The following SUN1 variants were observed in gnomAD, a reference collection of about 807,000 sequenced individuals.
The protein encoded by SUN1 is SUN domain-containing protein 1.
Under a neutral mutation model 103.2 loss-of-function variants are expected in SUN1, and 61 were observed. That is an observed-to-expected ratio of 0.59 (90% CI 0.48 to 0.73). The LOEUF (loss-of-function observed/expected upper bound fraction) is 0.73. SUN1 is among the 30% of genes least tolerant of loss of function. SUN1 has a pLI of 0.00. For missense variants in SUN1, 1,052 were observed against 1,034.6 expected (o/e 1.02, Z -0.23); for synonymous variants, 490 against 425.7 (o/e 1.15, Z -1.86).
chr7:865,973 G>A lies in SUN1; in HGVS notation c.1886G>A (p.Arg629His), dbSNP rs1198715592. 3 of 1,614,050 alleles carry A rather than the reference G, an allele frequency of 1.9e-6. No homozygotes were observed. The highest frequency in any genetic ancestry group is 2.5e-6 in the Non-Finnish European group (3 of 1,179,960). ...TAAGGTGGCAGCATCTTGAGTACTC[G>A]CTGTTCTGAAACTTACGAAACCAAA... ...ESGGGSILST[R>H]CSETYETKTA... The change falls in exon 16 of 19, where the codon CGC (arginine) becomes CAC (histidine). Residue 629 changes from arginine to histidine, a missense_variant. Coordinates refer to ENST00000401592, the MANE Select transcript of SUN1 (RefSeq NM_001130965.3).
At position 874,236 on chromosome 7, in the gene SUN1, C is replaced by G. The variant is rs1226091085; in HGVS notation, c.*905C>G. 6.6e-6 allele frequency: 1 copy of G among 152,556 alleles called. No homozygotes were observed. The highest frequency in any genetic ancestry group is 2.4e-5 in the African/African-American group (1 of 41,450). 9.5% of individuals were successfully genotyped at this position (152,556 alleles called of 1,614,324 possible). A position where few individuals can be genotyped will look rare whatever the true frequency, so the allele number is the denominator to read the frequency against. On this transcript the variant is annotated 3_prime_UTR_variant, in exon 19 of 19. Transcript: ENST00000401592. ...TCAGGGTCACGAACCCGTTACATTT[C>G]AGGACGATCCTTTTTCCTTCAGCAG...
At chr7:832,386 T>G, upstream of SUN1, 77 of 818,164 alleles carry the variant, frequency 9.4e-5, no homozygotes, top group East Asian at 1.6e-4. Flanking sequence ...GTGTTTCCTG[T>G]GAGTTTTGAG....
intron 9 of SUN1, 67 bp downstream of exon 9, chr7:853,019 G>A: frequency 6.5e-7 from 1 of 1,532,800 alleles, no homozygotes; most frequent in East Asian, 2.3e-5. Context: ...GTTCCACACT[G>A]CTGTGAGCCA....
At chr7:841,747 T>G (rs1353802695) in intron 2 of SUN1, 199 bp from the exon 3 acceptor site, 1 of 579,722 alleles carries the variant, frequency 1.7e-6, no homozygotes, top group Non-Finnish European at 3.0e-6. Flanking sequence ...TTTACAATTT[T>G]AGAGGGAGTT....
chr7:847,282 G>C (rs12539185), intron 5 of SUN1, among the ~76,000 whole-genome samples: 16 of 142,674 alleles, frequency 1.1e-4, no homozygotes, highest in Middle Eastern at 3.9e-3. Flanking sequence ...CCGCAGCGCC[G>C]TCTCCGGGAT....
intron 3 of SUN1, 92 bp from the exon 4 acceptor site, chr7:843,114 G>T: frequency 6.4e-7 from 1 of 1,560,784 alleles, no homozygotes; most frequent in African/African-American, 1.4e-5. Context: ...ATTAACCATT[G>T]TAACCTTTAC....
intron 17 of SUN1, among the ~76,000 whole-genome samples, chr7:870,838 C>T (rs1398436656): frequency 2.0e-5 from 3 of 151,680 alleles, no homozygotes; most frequent in Non-Finnish European, 2.9e-5. Flanking sequence ...GCATGTTGTA[C>T]GGCCGAGTCG....
Position 824,127 on chromosome 7 carries a change from C to T in SUN1, c.-74+7454C>T, listed in dbSNP as rs190092713. On this transcript the variant is annotated intron_variant, in intron 1 of 17. Coordinates refer to the SUN1 transcript ENST00000389574. ...GGTGAAGTTAAGGACGGGAGTATCC[C>T]TGCCATGTAGTAGTGGATTCATATC... Among the ~76,000 whole-genome samples, 76 of 152,324 alleles carry T rather than the reference C, an allele frequency of 5.0e-4. No individual in the cohort carries two copies. In the East Asian group the frequency reaches 0.014, roughly 28 times the overall value.
At chr7:819,394 T>G (rs530047106) in intron 1 of SUN1, among the ~76,000 whole-genome samples, 5 of 152,320 alleles carry the variant, frequency 3.3e-5, no homozygotes, top group African/African-American at 9.6e-5. Flanking sequence ...ATGCTTTTGA[T>G]GTCATACCTA....
intron 15 of SUN1, among the ~76,000 whole-genome samples, chr7:865,681 G>T (rs1207149803): frequency 2.0e-5 from 3 of 152,156 alleles, no homozygotes; most frequent in African/African-American, 7.2e-5. Flanking sequence ...CTCCATGGTG[G>T]TTGTACTAAT....
Position 853,420 on chromosome 7 carries a change from G to A in SUN1, c.1065G>A (p.Glu355=). 1 of 1,613,760 alleles carries A rather than the reference G, an allele frequency of 6.2e-7. No individual in the cohort carries two copies. Among genetic ancestry groups the A allele is most frequent in the Non-Finnish European group, 8.5e-7 (1 of 1,180,046 alleles). Residue 355 remains glutamate, a synonymous_variant, in exon 10 of 19, where the codon GAG becomes GAA. Coordinates refer to ENST00000401592, the MANE Select transcript of SUN1 (RefSeq NM_001130965.3). ...TCTTGCCATTTCAGGGTGACAGTGAGGCTTTTCCGTGGCATTGGATGAGTG... is the reference window on the plus strand; with the variant it reads ...TCTTGCCATTTCAGGGTGACAGTGAAGCTTTTCCGTGGCATTGGATGAGTG... ...RLKQPLQGDS[E]AFPWHWMSGV... is the part of the protein sequence containing the mutation.
intron 2 of SUN1, among the ~76,000 whole-genome samples, chr7:841,388 C>A (rs948058431): frequency 6.6e-6 from 1 of 151,678 alleles, no homozygotes; most frequent in Non-Finnish European, 1.5e-5. Context: ...AAACTACAGG[C>A]GCCCGCCAAC....
chr7:872,496 A>G lies in SUN1; in HGVS notation c.2175A>G (p.Glu725=). 1 of 1,605,334 alleles carries G rather than the reference A, an allele frequency of 6.2e-7. No individual in the cohort carries two copies. Among genetic ancestry groups the G allele is most frequent in the Non-Finnish European group, 8.5e-7 (1 of 1,175,876 alleles). The change falls in exon 18 of 19, where the codon GAA becomes GAG. Residue 725 remains glutamate, a synonymous_variant. Transcript: ENST00000401592. The part of the protein sequence containing the change: ...VYGLENEYQE[E]GQLLGQFTYD... Reference sequence around the variant, plus strand: ...GATTAGAAAATGAGTATCAGGAAGAAGGGCAGCTTCTGGGACAGTTCACGT... The same window carrying G: ...GATTAGAAAATGAGTATCAGGAAGAGGGGCAGCTTCTGGGACAGTTCACGT...
chr7:858,090 ACGCAGGCTAGACTGCAGTGGCG>A (rs1829176263), intron 13 of SUN1, 133 bp downstream of exon 13: 3 of 1,166,180 alleles, frequency 2.6e-6, no homozygotes, highest in Non-Finnish European at 3.4e-6. Flanking sequence ...TTGCTGTGGC[ACGCAGGCTAGACTGCAGTGGCG>A]CGATCTCAGC....
At chr7:847,991 C>T (rs62430771) in intron 5 of SUN1, among the ~76,000 whole-genome samples, 49,225 of 131,450 alleles carry the variant, frequency 0.37, 10,137 homozygotes, top group East Asian at 0.48. Context: ...GGGGTTACTC[C>T]GCAGTCCAGT....
chr7:874,681 C>T lies in SUN1; in HGVS notation c.*1350C>T, dbSNP rs548289031. On this transcript the variant is annotated 3_prime_UTR_variant, in exon 19 of 19. Transcript: ENST00000401592. Reference sequence around the variant, plus strand: ...CAGATGTTTCATATATTACAGGTTACATATATAAATCAAAATTTCCTATAT... The same window carrying T: ...CAGATGTTTCATATATTACAGGTTATATATATAAATCAAAATTTCCTATAT... 6.6e-6 allele frequency: 1 copy of T among 152,238 alleles called. No individual in the cohort carries two copies. The highest frequency in any genetic ancestry group is 2.4e-5 in the African/African-American group (1 of 41,524). 9.4% of individuals were successfully genotyped at this position (152,238 alleles called of 1,614,324 possible). A position where few individuals can be genotyped will look rare whatever the true frequency, so the allele number is the denominator to read the frequency against.
At chr7:840,404 T>TA (rs1193075104) in intron 2 of SUN1, among the ~76,000 whole-genome samples, 1 of 152,210 alleles carries the variant, frequency 6.6e-6, no homozygotes, top group Non-Finnish European at 1.5e-5. Flanking sequence ...GCTGCAGCTG[T>TA]ACTGCCACGC....
At chr7:858,883 C>T (rs533674406) in intron 13 of SUN1, among the ~76,000 whole-genome samples, 2 of 152,194 alleles carry the variant, frequency 1.3e-5, no homozygotes, top group South Asian at 4.2e-4. Context: ...GGCCGGGCGC[C>T]GCGGCTCACG....
chr7:855,978 G>C (rs567746426), intron 11 of SUN1, among the ~76,000 whole-genome samples: 1 of 152,230 alleles, frequency 6.6e-6, no homozygotes, highest in African/African-American at 2.4e-5. Flanking sequence ...GGTGCTCAGC[G>C]TGGTGCTGCT....
Sources: gnomAD v4.1 joint callset for allele counts (sites outside exome capture counted in the v4.1 genomes callset) on GRCh38, gnomAD v4.1.1 for gene constraint, MANE v1.5 for transcripts, NCBI Gene and HGNC (gene_info 2026-07-23, HGNC 2026-07-21) for gene names.